Variants in PLXNA2 observed in about 807,000 individuals in gnomAD.
The protein encoded by PLXNA2 is plexin-A2.
A neutral mutation model predicts 193.5 loss-of-function variants in PLXNA2; 91 were observed. That is an observed-to-expected ratio of 0.47 (90% CI 0.40 to 0.56). The LOEUF is 0.56. Ranked by LOEUF, PLXNA2 falls within the 20% of genes least tolerant of loss-of-function variation. The probability of loss-of-function intolerance (pLI) is 0.00; values close to 1 mark genes in which losing one functional copy is unlikely to be tolerated. For missense variants in PLXNA2, 1,995 were observed against 2,503.2 expected (o/e 0.80, Z 4.33); for synonymous variants, 997 against 1,027.3 (o/e 0.97, Z 0.56).
intron 4 of PLXNA2, among the ~76,000 whole-genome samples, chr1:208,116,009 C>T (rs1052691807): frequency 6.6e-6 from 1 of 152,218 alleles, no homozygotes; most frequent in South Asian, 2.1e-4. Context: ...CTCACCCAGG[C>T]TGACGTTTCC....
intron 12 of PLXNA2, among the ~76,000 whole-genome samples, chr1:208,065,682 C>T (rs1253958072): frequency 2.0e-5 from 3 of 152,166 alleles, no homozygotes; most frequent in African/African-American, 7.2e-5. Context: ...ACCCGGGGTA[C>T]AAAGAGCTGC....
At chr1:208,066,288 G>T (rs1336500630) in intron 12 of PLXNA2, among the ~76,000 whole-genome samples, 1 of 152,210 alleles carries the variant, frequency 6.6e-6, no homozygotes, top group African/African-American at 2.4e-5. Flanking sequence ...TTGGGTTGGG[G>T]CGAAAGGGGT....
At chr1:208,173,874 T>TCTGCTG (rs1448421336) in intron 3 of PLXNA2, among the ~76,000 whole-genome samples, 1 of 152,218 alleles carries the variant, frequency 6.6e-6, no homozygotes, top group Non-Finnish European at 1.5e-5. Flanking sequence ...TCCAGCAACA[T>TCTGCTG]CTGCTGCTGC....
chr1:208,147,730 T>C (rs576251185), intron 3 of PLXNA2, among the ~76,000 whole-genome samples: 40 of 152,324 alleles, frequency 2.6e-4, no homozygotes, highest in African/African-American at 9.4e-4. Context: ...AGCTAGAGCC[T>C]GAATTCTCTG....
chr1:208,236,800 G>C lies in PLXNA2; in HGVS notation c.-81+6843C>G, dbSNP rs1324539524. Among the ~76,000 whole-genome samples the C allele has an allele frequency of 6.6e-6, 1 of 152,190 alleles. No individual in the cohort carries two copies. Among genetic ancestry groups the C allele is most frequent in the African/African-American group, 2.4e-5 (1 of 41,452 alleles). ...GTTCTTTACATTGTGGAGGGGGCAA[G>C]AACTCCTTCTCTTCGGAAATACAAG... is the stretch of plus-strand genomic sequence containing the variant. On this transcript the variant is annotated intron_variant, in intron 1 of 31. Transcript: ENST00000367033. This position sits in a 1 kb window ranked among gnomAD's most constrained non-coding sequence, Gnocchi z 4.4.
chr1:208,234,422 C>T (rs1671787016), intron 1 of PLXNA2, among the ~76,000 whole-genome samples: 1 of 152,234 alleles, frequency 6.6e-6, no homozygotes, highest in Admixed American at 6.5e-5. Context: ...TTGGACAGTG[C>T]TATGGGATGT....
chr1:208,129,080 G>C (rs1668066443), intron 4 of PLXNA2, among the ~76,000 whole-genome samples: 1 of 152,194 alleles, frequency 6.6e-6, no homozygotes, highest in Admixed American at 6.5e-5. Flanking sequence ...CAAGGTCTCT[G>C]CCTGTAATAA....
In PLXNA2 at chr1:208,124,679, C is replaced by CAAA. The variant is rs34909092; in HGVS notation, c.1506+17647_1506+17649dup. On this transcript the variant is annotated intron_variant, in intron 4 of 31. Coordinates refer to ENST00000367033, the MANE Select transcript of PLXNA2 (RefSeq NM_025179.4). Reference sequence around the variant, plus strand: ...GGGCGACAACAGCAAAACTCCGTCTCAAAAAAAAAAAAAAAAAAAAAAAAG... The same window carrying CAAA: ...GGGCGACAACAGCAAAACTCCGTCTCAAAAAAAAAAAAAAAAAAAAAAAAAAAG... Among the ~76,000 whole-genome samples, 118 of 68,500 alleles carry CAAA rather than the reference C, an allele frequency of 1.7e-3. 1 individual carries two copies. The South Asian group carries it at 0.022, about 13-fold the overall frequency. The allele number at this position is 68,500 out of a possible 152,430, so 44.9% of individuals were successfully genotyped here. A position where few individuals can be genotyped will look rare whatever the true frequency, so the allele number is the denominator to read the frequency against.
chr1:208,127,869 G>C (rs902696779), intron 4 of PLXNA2, among the ~76,000 whole-genome samples: 3 of 152,234 alleles, frequency 2.0e-5, no homozygotes, highest in South Asian at 4.1e-4. Flanking sequence ...CCTGGCGGGA[G>C]CAGCGAGTAG....
chr1:208,039,244 T>TA (rs2102313455), intron 24 of PLXNA2, among the ~76,000 whole-genome samples: 1 of 152,276 alleles, frequency 6.6e-6, no homozygotes, highest in East Asian at 1.9e-4. Flanking sequence ...GGGGAGACTA[T>TA]AGTCCTGGAA....
At chr1:208,133,546 C>A (rs1024754689) in intron 4 of PLXNA2, among the ~76,000 whole-genome samples, 47 of 152,224 alleles carry the variant, frequency 3.1e-4, no homozygotes, top group Admixed American at 1.3e-4. Flanking sequence ...TGTCAGTGGA[C>A]AGCTCTATGC....
rs776689077 is a variant in PLXNA2, at chr1:208,217,563, G to C, written c.360C>G (p.Asp120Glu). Residue 120 changes from aspartate to glutamate, a missense_variant, in exon 2 of 32, where the codon GAC becomes GAG. Physicochemically the swap from Asp to Glu is conservative, Grantham distance 45. Coordinates refer to ENST00000367033, the MANE Select transcript of PLXNA2 (RefSeq NM_025179.4). This position sits in a 1 kb window ranked among gnomAD's most constrained non-coding sequence, Gnocchi z 4.7. ...TNNVNKLLII[D>E]YSENRLLACG... The stretch of plus-strand genomic sequence containing the variant: ...AGGCCAGCAGGCGGTTCTCAGAGTA[G>C]TCAATGATGAGCAGCTTGTTGACAT... The C allele has an allele frequency of 6.2e-7, 1 of 1,614,206 alleles. No individual in the cohort carries two copies. Among genetic ancestry groups the C allele is most frequent in the Non-Finnish European group, 8.5e-7 (1 of 1,180,032 alleles).
intron 3 of PLXNA2, among the ~76,000 whole-genome samples, chr1:208,151,717 C>T (rs1167190420): frequency 2.6e-5 from 4 of 152,220 alleles, no homozygotes; most frequent in African/African-American, 9.6e-5. Flanking sequence ...CTGAGGTAGG[C>T]ATTCTCATTT....
At chr1:208,202,852 A>G (rs1234101435) in intron 3 of PLXNA2, among the ~76,000 whole-genome samples, 1 of 152,214 alleles carries the variant, frequency 6.6e-6, no homozygotes, top group Non-Finnish European at 1.5e-5. Flanking sequence ...AGACTGCAAA[A>G]CAGCCAGCTG....
chr1:208,133,469 A>C (rs1209308459), intron 4 of PLXNA2, among the ~76,000 whole-genome samples: 1 of 152,218 alleles, frequency 6.6e-6, no homozygotes, highest in African/African-American at 2.4e-5. Flanking sequence ...CCCTATTTAG[A>C]AGGAGACTTT....
intron 3 of PLXNA2, among the ~76,000 whole-genome samples, chr1:208,183,806 C>T (rs1669917868): frequency 1.3e-5 from 2 of 152,196 alleles, no homozygotes; most frequent in South Asian, 4.1e-4. Flanking sequence ...TCAACTGGGA[C>T]TGAGAGTTGG....
At chr1:208,225,574 A>G (rs1298971049) in intron 1 of PLXNA2, among the ~76,000 whole-genome samples, 1 of 152,150 alleles carries the variant, frequency 6.6e-6, no homozygotes, top group Non-Finnish European at 1.5e-5. Context: ...CGGCCTCCCA[A>G]AATGCTGGGA....
chr1:208,165,875 T>G (rs1166114198), intron 3 of PLXNA2, among the ~76,000 whole-genome samples: 1 of 152,066 alleles, frequency 6.6e-6, no homozygotes, highest in African/African-American at 2.4e-5. Flanking sequence ...GTTCTACAAC[T>G]CCCATTGGCA....
At chr1:208,041,966 C>T in intron 22 of PLXNA2, 132 bp downstream of exon 22, 1 of 930,854 alleles carries the variant, frequency 1.1e-6, no homozygotes. Flanking sequence ...CGTGAGGACA[C>T]AGGCTGCTCT....
Sources: allele counts gnomAD v4.1 joint callset (sites outside exome capture counted in the v4.1 genomes callset), GRCh38; gene constraint gnomAD v4.1.1; non-coding constraint Gnocchi (gnomAD v3.1); transcripts MANE v1.5; gene names NCBI Gene and HGNC (gene_info 2026-07-23, HGNC 2026-07-21).